The following BLVRA variants were observed in gnomAD, a reference collection of about 807,000 sequenced individuals.
The protein encoded by BLVRA is biliverdin reductase A.
Under a neutral mutation model 32.8 loss-of-function variants are expected in BLVRA, and 22 were observed. That is an observed-to-expected ratio of 0.67 (90% CI 0.48 to 0.96). The LOEUF (loss-of-function observed/expected upper bound fraction) is 0.96. BLVRA is among the 40% of genes least tolerant of loss of function. The pLI, the probability that BLVRA is intolerant of heterozygous loss-of-function variation, is 0.00. For synonymous variants in BLVRA, 119 were observed against 141.3 expected (o/e 0.84, Z 1.12); for missense variants, 323 against 358.1 (o/e 0.90, Z 0.79).
intron 2 of BLVRA, among the ~76,000 whole-genome samples, chr7:43,774,862 G>T (rs1374454718): frequency 2.0e-5 from 3 of 152,174 alleles, no homozygotes; most frequent in African/African-American, 7.2e-5. Context: ...CACGTCCCTT[G>T]TAAGTTGGAT....
intron 2 of BLVRA, among the ~76,000 whole-genome samples, chr7:43,779,883 C>CT (rs1286390434): frequency 8.7e-5 from 13 of 149,594 alleles, no homozygotes; most frequent in African/African-American, 2.0e-4. Flanking sequence ...TTTTCTTTTT[C>CT]TTTTTTTTTG....
chr7:43,797,068 A>G lies in BLVRA; in HGVS notation c.353-3397A>G, dbSNP rs566498247. Among the ~76,000 whole-genome samples, 20 of 152,314 alleles carry G rather than the reference A, an allele frequency of 1.3e-4. No individual in the cohort carries two copies. The South Asian group carries it at 3.9e-3, about 30-fold the overall frequency. On this transcript the variant is annotated intron_variant, in intron 5 of 7. Coordinates refer to ENST00000265523, the MANE Select transcript of BLVRA (RefSeq NM_000712.4). ...GGAAGCAAGACCTTCCTTCAGCAAA[A>G]AGATGGAGGATCAGATGGTAGCATT...
At chr7:43,762,761 G>A (rs959822396) in intron 1 of BLVRA, among the ~76,000 whole-genome samples, 1 of 151,708 alleles carries the variant, frequency 6.6e-6, no homozygotes, top group African/African-American at 2.4e-5. Flanking sequence ...ACAGGTGCAC[G>A]CCACCATACC....
intron 2 of BLVRA, among the ~76,000 whole-genome samples, chr7:43,771,905 T>C (rs781764622): frequency 7.2e-5 from 11 of 152,214 alleles, no homozygotes; most frequent in Non-Finnish European, 1.5e-4. Context: ...CTAAGCTCTG[T>C]CCTCCTCGAA....
intron 4 of BLVRA, 111 bp from the exon 5 acceptor site, chr7:43,792,604 C>A: frequency 1.9e-6 from 2 of 1,047,280 alleles, no homozygotes; most frequent in Non-Finnish European, 1.4e-6. Context: ...ATGACACATT[C>A]ACACACAGAA....
At chr7:43,804,029 C>A (rs1267641455) in intron 7 of BLVRA, among the ~76,000 whole-genome samples, 182 bp downstream of exon 7, 1 of 152,200 alleles carries the variant, frequency 6.6e-6, no homozygotes, top group East Asian at 1.9e-4. Context: ...CTCTCAGCAG[C>A]CCTGTGAGGT....
At chr7:43,762,483 T>A (rs536118979) in intron 1 of BLVRA, among the ~76,000 whole-genome samples, 45 of 151,950 alleles carry the variant, frequency 3.0e-4, no homozygotes, top group Non-Finnish European at 2.5e-4. Context: ...AGGAAGCTGT[T>A]TAGTCCTGGC....
chr7:43,783,199 A>T (rs901727817), intron 2 of BLVRA, among the ~76,000 whole-genome samples: 7 of 152,214 alleles, frequency 4.6e-5, no homozygotes, highest in African/African-American at 7.2e-5. Context: ...AAGAAAAAAA[A>T]ATATTTTCTA....
intron 2 of BLVRA, among the ~76,000 whole-genome samples, chr7:43,772,777 A>G (rs1034537182): frequency 6.6e-6 from 1 of 152,210 alleles, no homozygotes; most frequent in African/African-American, 2.4e-5. Flanking sequence ...ATCTCGTGAG[A>G]ACTCACTATC....
At chr7:43,771,328 G>C (rs1005220531) in intron 2 of BLVRA, among the ~76,000 whole-genome samples, 158 bp downstream of exon 2, 2 of 152,164 alleles carry the variant, frequency 1.3e-5, no homozygotes, top group African/African-American at 4.8e-5. Flanking sequence ...GGGTGATGCA[G>C]GAAGAACTAG....
chr7:43,805,047 G>A (rs371896338), intron 7 of BLVRA, among the ~76,000 whole-genome samples: 1 of 152,160 alleles, frequency 6.6e-6, no homozygotes, highest in East Asian at 1.9e-4. Flanking sequence ...GGGCTCTGGT[G>A]TGGCCATGTG....
intron 4 of BLVRA, among the ~76,000 whole-genome samples, chr7:43,792,280 A>G (rs527529066): frequency 2.6e-5 from 4 of 152,364 alleles, no homozygotes; most frequent in East Asian, 3.9e-4. Flanking sequence ...TTGCACCTGG[A>G]AAATGTCTGC....
intron 6 of BLVRA, among the ~76,000 whole-genome samples, chr7:43,801,629 TTAAG>T (rs199854496): frequency 1.3e-3 from 190 of 151,532 alleles, no homozygotes; most frequent in African/African-American, 4.5e-3. Flanking sequence ...CTGTGTTAAG[TTAAG>T]TAAGTTAAGT....
intron 6 of BLVRA, 64 bp from the exon 7 acceptor site, chr7:43,803,612 C>A: frequency 6.7e-7 from 1 of 1,494,896 alleles, no homozygotes; most frequent in Non-Finnish European, 9.3e-7. Context: ...CCCCACCCCC[C>A]TGTCCTGCTT....
chr7:43,776,121 T>C (rs1440084826), intron 2 of BLVRA, among the ~76,000 whole-genome samples: 3 of 152,126 alleles, frequency 2.0e-5, no homozygotes, highest in Non-Finnish European at 4.4e-5. Context: ...TTTTGAAGGG[T>C]TTTTTGTGTC....
intron 2 of BLVRA, among the ~76,000 whole-genome samples, chr7:43,779,203 G>A (rs2095765762): frequency 6.6e-6 from 1 of 152,248 alleles, no homozygotes. Flanking sequence ...TACCTCAGAT[G>A]GAAATGCAGA....
At chr7:43,803,600 A>AC in intron 6 of BLVRA, 76 bp from the exon 7 acceptor site, 9 of 478,312 alleles carry the variant, frequency 1.9e-5, no homozygotes, top group Admixed American at 2.5e-5. Flanking sequence ...CACCCCCGCC[A>AC]CCCCCACCCC....
chr7:43,794,734 CTAAA>C (rs2095789884), intron 5 of BLVRA, among the ~76,000 whole-genome samples: 1 of 151,980 alleles, frequency 6.6e-6, no homozygotes. Flanking sequence ...AACTCTATCT[CTAAA>C]TAAATAAATA....
chr7:43,807,039 A>G lies in BLVRA; in HGVS notation c.695A>G (p.His232Arg), dbSNP rs1315965538. The change falls in exon 8 of 8, where the codon CAT becomes CGT. Residue 232 changes from histidine to arginine, a missense_variant. By Grantham distance (29) the His-to-Arg change is conservative. Coordinates refer to ENST00000265523, the MANE Select transcript of BLVRA (RefSeq NM_000712.4). ...GLKRNRYLSF[H>R]FKSGSLENVP... is the part of the protein sequence containing the mutation. ...AAACGAAACAGATATTTAAGCTTCC[A>G]TTTCAAGTCTGGGTCCTTGGAGAAT... 26 of 1,614,038 alleles carry G rather than the reference A, an allele frequency of 1.6e-5. No individual in the cohort carries two copies. The highest frequency in any genetic ancestry group is 2.1e-5 in the Non-Finnish European group (25 of 1,179,994).
Sources: allele counts gnomAD v4.1 joint callset (sites outside exome capture counted in the v4.1 genomes callset), GRCh38; gene constraint gnomAD v4.1.1; transcripts MANE v1.5; gene names NCBI Gene and HGNC (gene_info 2026-07-23, HGNC 2026-07-21).